Variants in PCDHA1 observed in about 807,000 individuals in gnomAD.
The protein encoded by PCDHA1 is protocadherin alpha-1.
A neutral mutation model predicts 61.3 loss-of-function variants in PCDHA1; 42 were observed. The ratio of observed to expected loss-of-function variants is 0.69; its 90% CI spans 0.54 to 0.89. PCDHA1 has a LOEUF of 0.89. Among genes scored for constraint, PCDHA1 ranks in the 40% least tolerant of loss-of-function variants. The pLI is 0.00. For missense variants in PCDHA1, 1,256 were observed against 1,235.3 expected (o/e 1.02, Z -0.25); for synonymous variants, 610 against 553.8 (o/e 1.10, Z -1.43).
chr5:140,998,855 C>T (rs544471391), intron 3 of PCDHA1, among the ~76,000 whole-genome samples: 63 of 152,320 alleles, frequency 4.1e-4, no homozygotes, highest in Admixed American at 2.1e-3. Context: ...GAGCCACATG[C>T]CTGGCCTTGT....
At chr5:140,836,903 T>C in intron 1 of PCDHA1, 1 of 590,556 alleles carries the variant, frequency 1.7e-6, no homozygotes, top group Non-Finnish European at 2.8e-6. Flanking sequence ...GTACGTTTAA[T>C]ATACACTTTT....
intron 1 of PCDHA1, chr5:140,836,883 T>C (rs2150270944): frequency 6.1e-6 from 4 of 659,750 alleles, no homozygotes; most frequent in Non-Finnish European, 9.8e-6. Flanking sequence ...TTTGCACTAA[T>C]TATTTGGAAG....
chr5:140,978,652 C>T (rs555324579), intron 1 of PCDHA1, among the ~76,000 whole-genome samples: 2 of 152,320 alleles, frequency 1.3e-5, no homozygotes, highest in East Asian at 1.9e-4. Flanking sequence ...CTGTTCTTCC[C>T]GTAGTGTTTT....
Position 141,010,117 on chromosome 5 carries a change from T to C in PCDHA1, c.*180T>C. Reference sequence around the variant, plus strand: ...TTTAACAGGTTTTGTCGTAAAAGCTTTACTAAGTCTGGTGTTAACTCTTTC... The same window carrying C: ...TTTAACAGGTTTTGTCGTAAAAGCTCTACTAAGTCTGGTGTTAACTCTTTC... On this transcript the variant is annotated 3_prime_UTR_variant, in exon 4 of 4. Transcript: ENST00000504120. 1 of 1,608,612 alleles carries C rather than the reference T, an allele frequency of 6.2e-7. No individual in the cohort carries two copies. The highest frequency in any genetic ancestry group is 8.5e-7 in the Non-Finnish European group (1 of 1,177,044).
chr5:140,954,843 G>T (rs1011520662), intron 1 of PCDHA1, among the ~76,000 whole-genome samples: 4 of 152,058 alleles, frequency 2.6e-5, no homozygotes, highest in African/African-American at 9.7e-5. Flanking sequence ...TGAAATCTTT[G>T]CCTGTGCCTA....
rs200910859 is a variant in PCDHA1, at chr5:140,787,817, A to G, written c.1527A>G (p.Ser509=). The G allele has an allele frequency of 4.4e-5, 71 of 1,612,450 alleles. No homozygotes were observed. The highest frequency in any genetic ancestry group is 3.9e-4 in the Middle Eastern group (2 of 5,116). ...AGCGCGCGCTGTCGAACTACGTGTCAGTGCACGCGGAGAGCGGCAAGGTGT... is the reference window on the plus strand; with the variant it reads ...AGCGCGCGCTGTCGAACTACGTGTCGGTGCACGCGGAGAGCGGCAAGGTGT... ...VGERALSNYV[S]VHAESGKVYA... The change falls in exon 1 of 4, where the codon TCA becomes TCG. Residue 509 remains serine, a synonymous_variant. Transcript: ENST00000504120.
Position 140,858,656 on chromosome 5 carries a change from T to A in PCDHA1, c.2394+69972T>A, listed in dbSNP as rs1562540116. 9 of 783,778 alleles carry A rather than the reference T, an allele frequency of 1.1e-5. 2 individuals are homozygous for A. The highest frequency in any genetic ancestry group is 1.6e-5 in the Non-Finnish European group (8 of 509,472). 48.6% of individuals were successfully genotyped at this position (783,778 alleles called of 1,614,324 possible). A position where few individuals can be genotyped will look rare whatever the true frequency, so the allele number is the denominator to read the frequency against. On this transcript the variant is annotated intron_variant, in intron 1 of 3. Transcript: ENST00000504120. ...CCTTTGATTGGTACTTAAATTTTTTTAAATAACAATTTATTCTGAATACAC... is the reference window on the plus strand; with the variant it reads ...CCTTTGATTGGTACTTAAATTTTTTAAAATAACAATTTATTCTGAATACAC...
At chr5:140,944,028 A>T (rs1341498532) in intron 1 of PCDHA1, among the ~76,000 whole-genome samples, 1 of 152,222 alleles carries the variant, frequency 6.6e-6, no homozygotes, top group African/African-American at 2.4e-5. Context: ...TATCTTCAAA[A>T]TATGGAAAAC....
At chr5:140,951,967 C>A (rs2094665815) in intron 1 of PCDHA1, among the ~76,000 whole-genome samples, 1 of 152,166 alleles carries the variant, frequency 6.6e-6, no homozygotes, top group South Asian at 2.1e-4. Context: ...GTAAATACTC[C>A]TGTTCCAAAA....
chr5:140,858,857 T>C, intron 1 of PCDHA1: 1 of 267,758 alleles, frequency 3.7e-6, no homozygotes, highest in South Asian at 4.6e-5. Flanking sequence ...CTATATCTCT[T>C]CAGTGAAAAT....
intron 1 of PCDHA1, chr5:140,834,259 ACT>A: frequency 1.0e-6 from 1 of 957,536 alleles, no homozygotes; most frequent in Non-Finnish European, 1.6e-6. Context: ...AAGACGCTCC[ACT>A]CTCTTTCACT....
At chr5:140,875,754 G>A (rs369339386) in intron 1 of PCDHA1, 2 of 1,614,254 alleles carry the variant, frequency 1.2e-6, no homozygotes, top group African/African-American at 2.7e-5. Flanking sequence ...ACCGCGAGAA[G>A]CTGTGCGGGC....
At chr5:140,882,584 C>G (rs1554174685) in intron 1 of PCDHA1, 5 of 1,614,238 alleles carry the variant, frequency 3.1e-6, no homozygotes, top group South Asian at 1.1e-5. Flanking sequence ...CAGCATCCAC[C>G]TGGAGGTGAT....
intron 1 of PCDHA1, among the ~76,000 whole-genome samples, chr5:140,941,248 T>TTTCTTTC (rs2092963388): frequency 1.4e-5 from 2 of 141,492 alleles, no homozygotes; most frequent in African/African-American, 5.3e-5. Context: ...TCTTTCTTTC[T>TTTCTTTC]TTCTTTCTCT....
chr5:140,842,954 C>G, intron 1 of PCDHA1: 2 of 1,594,948 alleles, frequency 1.3e-6, no homozygotes. Flanking sequence ...CGTGCCGCCT[C>G]TGGGCAGCAA....
chr5:140,958,492 A>G (rs2095426229), intron 1 of PCDHA1, among the ~76,000 whole-genome samples: 1 of 152,112 alleles, frequency 6.6e-6, no homozygotes, highest in Non-Finnish European at 1.5e-5. Context: ...AAGTCCACAT[A>G]TCCTAGGAGG....
chr5:140,922,876 A>G (rs782530609), intron 1 of PCDHA1, among the ~76,000 whole-genome samples: 10 of 152,234 alleles, frequency 6.6e-5, no homozygotes, highest in Non-Finnish European at 1.3e-4. Flanking sequence ...GAAAAAATCC[A>G]AAGACATCAT....
At chr5:140,815,211 C>T (rs1765676173) in intron 1 of PCDHA1, 1 of 152,062 alleles carries the variant, frequency 6.6e-6, no homozygotes, top group Non-Finnish European at 1.5e-5. Flanking sequence ...TAGGGCATAA[C>T]TTACTGTTGC....
At chr5:140,823,109 C>G in intron 1 of PCDHA1, 1 of 1,614,038 alleles carries the variant, frequency 6.2e-7, no homozygotes, top group Non-Finnish European at 8.5e-7. Flanking sequence ...GTGGAAGTGG[C>G]CGACGTGAAC....
Sources: gnomAD v4.1 joint callset for allele counts (sites outside exome capture counted in the v4.1 genomes callset) on GRCh38, gnomAD v4.1.1 for gene constraint, MANE v1.5 for transcripts, NCBI Gene and HGNC (gene_info 2026-07-23, HGNC 2026-07-21) for gene names.